The following ELP2 variants were observed in gnomAD, a reference collection of about 807,000 sequenced individuals.
ELP2 encodes the protein elongator acetyltransferase complex subunit 2, also known as elongator complex protein 2.
ELP2 carries 90 observed loss-of-function variants against 119.2 expected under a neutral mutation model. The ratio of observed to expected loss-of-function variants is 0.75; its 90% CI spans 0.64 to 0.90. ELP2 has a LOEUF of 0.90. Ranked by LOEUF, ELP2 falls within the 40% of genes least tolerant of loss-of-function variation. ELP2 has a pLI of 0.00. For missense variants in ELP2, 921 were observed against 967.8 expected, an observed-to-expected ratio of 0.95 and a Z score of 0.64; for synonymous variants, 339 against 331.0, an observed-to-expected ratio of 1.02 and a Z score of -0.26.
chr18:36,129,929 G>A lies in ELP2; in HGVS notation c.-5G>A, dbSNP rs1400977926. ...TCTTGTTTGTGCGGCTGACCAGTTG[G>A]CGACATGGTGGCACCCGTGCTGGAG... is the stretch of plus-strand genomic sequence containing the variant. On this transcript the variant is annotated 5_prime_UTR_variant, in exon 1 of 22. Transcript: ENST00000358232. 1 of 1,614,222 alleles carries A rather than the reference G, an allele frequency of 6.2e-7. No individual in the cohort carries two copies. The highest frequency in any genetic ancestry group is 2.2e-5 in the East Asian group (1 of 44,886).
intron 1 of ELP2, among the ~76,000 whole-genome samples, chr18:36,131,952 T>G (rs1464153014): frequency 1.3e-5 from 2 of 148,186 alleles, no homozygotes; most frequent in African/African-American, 5.0e-5. Context: ...TTTTTTTTTT[T>G]TGGAGTGTAG....
At chr18:36,159,100 A>G (rs138418245) in intron 14 of ELP2, among the ~76,000 whole-genome samples, 196 bp downstream of exon 14, 1 of 150,046 alleles carries the variant, frequency 6.7e-6, no homozygotes, top group African/African-American at 2.4e-5. Context: ...GTTTTCACAA[A>G]GCATGTTTTT....
rs879267140 is a variant in ELP2, at chr18:36,179,790, CTCTTA to C, written c.*5154_*5158del. ...CTTTGGCTTTTGCTGACATTTTCCCCTCTTATCTTTTCTCCTGACCAAGTTCTAGG... is the reference window on the plus strand; with the variant it reads ...CTTTGGCTTTTGCTGACATTTTCCCCTCTTTTCTCCTGACCAAGTTCTAGG... On this transcript the variant is annotated 3_prime_UTR_variant, in exon 22 of 22. Coordinates refer to ENST00000358232, the MANE Select transcript of ELP2 (RefSeq NM_018255.4). The C allele has an allele frequency of 3.9e-5, 6 of 152,336 alleles. No homozygotes were observed. Among genetic ancestry groups the C allele is most frequent in the Non-Finnish European group, 5.9e-5 (4 of 68,060 alleles). The allele number at this position is 152,336 out of a possible 1,614,324, so 9.4% of individuals were successfully genotyped here. A position where few individuals can be genotyped will look rare whatever the true frequency, so the allele number is the denominator to read the frequency against.
At chr18:36,138,220 T>TA (rs761640327) in intron 3 of ELP2, 50 bp from the exon 4 acceptor site, 31 of 1,571,760 alleles carry the variant, frequency 2.0e-5, no homozygotes, top group Middle Eastern at 1.7e-4. Context: ...TAAATAAAGG[T>TA]AAAAAAAATC....
In ELP2 at chr18:36,145,974, T is replaced by C. The variant is rs2090186259; in HGVS notation, c.919T>C (p.Leu307=). The C allele has an allele frequency of 1.9e-6, 3 of 1,613,988 alleles. No homozygotes were observed. The East Asian group carries it at 6.7e-5, about 36-fold the overall frequency. Residue 307 remains leucine (L), a synonymous_variant, in exon 10 of 22, where the codon TTA becomes CTA. Coordinates refer to ENST00000358232, the MANE Select transcript of ELP2 (RefSeq NM_018255.4). The part of the protein sequence containing the change: ...KDGVLQQPVR[L]LSASMDKTMI... ...TGGTGTCCTACAGCAGCCAGTGAGA[T>C]TATTATCTGCTTCCATGGATAAAAC...
At chr18:36,149,544 G>A (rs1245979365) in intron 11 of ELP2, among the ~76,000 whole-genome samples, 5 of 119,274 alleles carry the variant, frequency 4.2e-5, no homozygotes, top group South Asian at 2.7e-4. Context: ...TGTTGTTGCA[G>A]GCCTGGTCCT....
At chr18:36,158,476 G>A in intron 13 of ELP2, 1 of 198,854 alleles carries the variant, frequency 5.0e-6, no homozygotes, top group South Asian at 9.4e-5. Flanking sequence ...CTTGGAAGTA[G>A]AGCTCTGGGC....
chr18:36,157,526 C>T (rs1364610063), intron 13 of ELP2, among the ~76,000 whole-genome samples: 1 of 152,050 alleles, frequency 6.6e-6, no homozygotes, highest in Non-Finnish European at 1.5e-5. Context: ...GAGGCAGGCA[C>T]AGTCTGACTG....
intron 11 of ELP2, among the ~76,000 whole-genome samples, chr18:36,151,014 A>G (rs1466877055): frequency 1.3e-5 from 2 of 151,468 alleles, no homozygotes; most frequent in Non-Finnish European, 2.9e-5. Context: ...CCCTTTTGTC[A>G]GTAGTTTCCC....
chr18:36,170,323 TTG>T, intron 20 of ELP2, 127 bp downstream of exon 20: 2 of 1,236,710 alleles, frequency 1.6e-6, no homozygotes, highest in Non-Finnish European at 2.3e-6. Flanking sequence ...TTTTTTTTTT[TTG>T]TTTTGAGATG....
chr18:36,151,919 T>C (rs879771539), intron 11 of ELP2, among the ~76,000 whole-genome samples: 102 of 151,098 alleles, frequency 6.8e-4, no homozygotes, highest in Admixed American at 1.1e-3. Context: ...GGCTAATTTT[T>C]TTTTTTGTAT....
chr18:36,155,087 A>T, intron 12 of ELP2, 88 bp downstream of exon 12: 1 of 1,157,726 alleles, frequency 8.6e-7, no homozygotes. Context: ...ATCTCAGCTC[A>T]CTGCAGCCTC....
At chr18:36,170,381 TGC>T (rs1402783150) in intron 20 of ELP2, among the ~76,000 whole-genome samples, 185 bp downstream of exon 20, 1 of 151,808 alleles carries the variant, frequency 6.6e-6, no homozygotes, top group Non-Finnish European at 1.5e-5. Context: ...GCGTGATCTC[TGC>T]TCACTGCAAC....
At position 36,174,638 on chromosome 18, in the gene ELP2, G is replaced by C; in HGVS notation, c.2478G>C (p.Leu826=). 2 of 1,613,922 alleles carry C rather than the reference G, an allele frequency of 1.2e-6. No homozygotes were observed. Among genetic ancestry groups the C allele is most frequent in the Non-Finnish European group, 1.7e-6 (2 of 1,179,898 alleles). ...TACACAGAGTCAATAAATGTGCACT[G>C]TAATGGACTTAATAACTACATGCTT... The part of the protein sequence containing the change: ...VKIHRVNKCA[L] The change falls in exon 22 of 22, where the codon CTG becomes CTC. Residue 826 remains leucine, a synonymous_variant. Transcript: ENST00000358232.
intron 21 of ELP2, among the ~76,000 whole-genome samples, chr18:36,173,921 G>A (rs1215635516): frequency 6.6e-6 from 1 of 152,172 alleles, no homozygotes; most frequent in African/African-American, 2.4e-5. Context: ...GTAGGGGGTA[G>A]GGAGCATTAA....
rs982094681 is a variant in ELP2 at position 36,141,433 on chromosome 18, G to T, written c.588+232G>T. ...GTTAGGGGGAAACAGGTCATTAGGT[G>T]GGGGAGGAGAGATGGAAGATGCTGT... On this transcript the variant is annotated intron_variant, in intron 6 of 21. Coordinates refer to ENST00000358232, the MANE Select transcript of ELP2 (RefSeq NM_018255.4). The T allele has an allele frequency of 1.9e-5, 10 of 529,586 alleles. No homozygotes were observed. In the Admixed American group the frequency reaches 2.2e-4, roughly 12 times the overall value. 32.8% of individuals were successfully genotyped at this position (529,586 alleles called of 1,614,324 possible).
In ELP2 at chr18:36,177,048, CAATG is replaced by C. The variant is rs1460420948; in HGVS notation, c.*2410_*2413del. On this transcript the variant is annotated 3_prime_UTR_variant, in exon 22 of 22. Transcript: ENST00000358232. ...CAGTTCAAAATGACTTGGAAAAAAA[CAATG>C]AACGCTGGTCATTGATATGTATACT... The C allele has an allele frequency of 3.9e-5, 6 of 152,088 alleles. No individual in the cohort carries two copies. Among genetic ancestry groups the C allele is most frequent in the Admixed American group, 1.3e-4 (2 of 15,278 alleles). 9.4% of individuals were successfully genotyped at this position (152,088 alleles called of 1,614,324 possible). A position where few individuals can be genotyped will look rare whatever the true frequency, so the allele number is the denominator to read the frequency against.
At chr18:36,171,857 CAG>C (rs1432679746) in intron 21 of ELP2, among the ~76,000 whole-genome samples, 1 of 152,216 alleles carries the variant, frequency 6.6e-6, no homozygotes, top group Non-Finnish European at 1.5e-5. Context: ...GCTGGGACTA[CAG>C]ACACGCACCA....
At chr18:36,170,990 C>A in intron 20 of ELP2, 57 bp from the exon 21 acceptor site, 1 of 1,242,424 alleles carries the variant, frequency 8.0e-7, no homozygotes, top group Non-Finnish European at 1.2e-6. Flanking sequence ...AGAGCAATGA[C>A]GAAGATAACA....
Sources: allele counts gnomAD v4.1 joint callset (sites outside exome capture counted in the v4.1 genomes callset), GRCh38; gene constraint gnomAD v4.1.1; transcripts MANE v1.5; gene names NCBI Gene and HGNC (gene_info 2026-07-23, HGNC 2026-07-21).